PXDN: variants seen among roughly 807,000 people sequenced by gnomAD.
PXDN encodes peroxidasin homolog.
A neutral mutation model predicts 140.3 loss-of-function variants in PXDN; 77 were observed. The observed-to-expected ratio is 0.55, with a 90% confidence interval of 0.46 to 0.66. The LOEUF (loss-of-function observed/expected upper bound fraction) is 0.66. Among genes scored for constraint, PXDN ranks in the 30% least tolerant of loss-of-function variants. PXDN has a pLI of 0.00. For missense variants in PXDN, 1,838 were observed against 2,039.5 expected, an observed-to-expected ratio of 0.90 and a Z score of 1.90; for synonymous variants, 911 against 857.4, an observed-to-expected ratio of 1.06 and a Z score of -1.09.
chr2:1,698,503 A>G (rs1168511099), intron 1 of PXDN, among the ~76,000 whole-genome samples: 1 of 152,164 alleles, frequency 6.6e-6, no homozygotes, highest in Non-Finnish European at 1.5e-5. Flanking sequence ...GGGAGGAGAG[A>G]ATGAGATCCA....
Position 1,648,767 on chromosome 2 carries a change from G to A in PXDN, c.3013C>T (p.Leu1005=), listed in dbSNP as rs1322676319. The A allele has an allele frequency of 6.2e-7, 1 of 1,604,060 alleles. No individual in the cohort carries two copies. Among genetic ancestry groups the A allele is most frequent in the Non-Finnish European group, 8.5e-7 (1 of 1,175,994 alleles). The part of the protein sequence containing the change: ...HNRIATELLK[L]NPHWDGDTIY... Reference sequence around the variant, plus strand: ...GTGTCGCCGTCCCAGTGCGGGTTCAGCTTGAGCAGCTCCGTGGCAATGCGG... The same window carrying A: ...GTGTCGCCGTCCCAGTGCGGGTTCAACTTGAGCAGCTCCGTGGCAATGCGG... Residue 1005 remains leucine (L), a synonymous_variant, in exon 17 of 23, where the codon CTG becomes TTG. Coordinates refer to ENST00000252804, the MANE Select transcript of PXDN (RefSeq NM_012293.3). This position sits in a 1 kb window ranked among gnomAD's most constrained non-coding sequence, Gnocchi z 8.9.
At chr2:1,655,588 C>A (rs2125416372) in intron 14 of PXDN, among the ~76,000 whole-genome samples, 1 of 151,802 alleles carries the variant, frequency 6.6e-6, no homozygotes, top group South Asian at 2.1e-4. Context: ...GAAACCTGTC[C>A]CCTCCTGACA....
chr2:1,736,464 T>C (rs1207758102), intron 1 of PXDN, among the ~76,000 whole-genome samples: 1 of 152,130 alleles, frequency 6.6e-6, no homozygotes, highest in Non-Finnish European at 1.5e-5. Context: ...TAGATTAAGT[T>C]TGTAGTCTTA....
Position 1,653,362 on chromosome 2 carries a change from A to T in PXDN, c.2104+266T>A. ...AACCCACCCTGGCCAGGATGGCATA[A>T]CCCACTCAGGGCAGGTGGACCTGCT... On this transcript the variant is annotated intron_variant, in intron 16 of 22. Coordinates refer to ENST00000252804, the MANE Select transcript of PXDN (RefSeq NM_012293.3). The T allele has an allele frequency of 6.2e-6, 3 of 483,778 alleles. No homozygotes were observed. The Admixed American group carries it at 8.7e-5, about 14-fold the overall frequency. 30.0% of individuals were successfully genotyped at this position (483,778 alleles called of 1,614,324 possible). A position where few individuals can be genotyped will look rare whatever the true frequency, so the allele number is the denominator to read the frequency against.
At chr2:1,735,012 C>T (rs930538390) in intron 1 of PXDN, among the ~76,000 whole-genome samples, 2 of 152,202 alleles carry the variant, frequency 1.3e-5, no homozygotes, top group African/African-American at 4.8e-5. Context: ...AGCATCTTCA[C>T]CAGGAGTAGA....
At chr2:1,710,603 A>ACTC (rs150825248) in intron 1 of PXDN, among the ~76,000 whole-genome samples, 5,474 of 86,132 alleles carry the variant, frequency 0.064, 578 homozygotes, top group African/African-American at 0.23. Context: ...ACCAGCACCC[A>ACTC]CTCTCCACCA....
At chr2:1,723,575 C>CGGAT (rs1405665875) in intron 1 of PXDN, among the ~76,000 whole-genome samples, 1 of 151,288 alleles carries the variant, frequency 6.6e-6, no homozygotes, top group Non-Finnish European at 1.5e-5. Context: ...GACTAATGAA[C>CGGAT]GGATGGATGG....
intron 9 of PXDN, among the ~76,000 whole-genome samples, chr2:1,668,118 A>C (rs1683489353): frequency 6.6e-6 from 1 of 152,236 alleles, no homozygotes; most frequent in Non-Finnish European, 1.5e-5. Flanking sequence ...AGACAATAGA[A>C]CAGAACAGAG....
chr2:1,657,975 T>C (rs769693977), intron 14 of PXDN, among the ~76,000 whole-genome samples: 1 of 137,134 alleles, frequency 7.3e-6, no homozygotes, highest in African/African-American at 2.7e-5. Flanking sequence ...CCCCTCACTG[T>C]GATTTCCTTT....
chr2:1,736,162 T>C (rs1685421308), intron 1 of PXDN, among the ~76,000 whole-genome samples: 1 of 152,204 alleles, frequency 6.6e-6, no homozygotes, highest in South Asian at 2.1e-4. Context: ...GCTGGTTTGC[T>C]CTTCTTCCCA....
At position 1,684,238 on chromosome 2, in the gene PXDN, T is replaced by G. The variant is rs768154842; in HGVS notation, c.417-87A>C. The G allele has an allele frequency of 4.9e-4, 527 of 1,068,988 alleles. 1 individual carries two copies. The highest frequency in any genetic ancestry group is 6.9e-4 in the Non-Finnish European group (497 of 718,194). The allele number at this position is 1,068,988 out of a possible 1,614,324, so 66.2% of individuals were successfully genotyped here. ...TGCCCAAATTTTTTTCCTAGTCATT[T>G]CAAATTCAGATATCAATAGATAGCT... On this transcript the variant is annotated intron_variant, in intron 4 of 22. Transcript: ENST00000252804.
At chr2:1,679,077 T>C (rs539034418) in intron 7 of PXDN, among the ~76,000 whole-genome samples, 54 of 145,554 alleles carry the variant, frequency 3.7e-4, no homozygotes, top group African/African-American at 1.3e-3. Flanking sequence ...AACAGCCGTG[T>C]ATGTGCATGC....
rs184912972 is a variant in PXDN, at chr2:1,662,881, G to A, written c.1568-697C>T. 7.2e-5 allele frequency among the ~76,000 whole-genome samples: 11 copies of A among 152,274 alleles called. No individual in the cohort carries two copies. The East Asian group carries it at 7.7e-4, about 11-fold the overall frequency. On this transcript the variant is annotated intron_variant, in intron 12 of 22. Transcript: ENST00000252804. ...AAATCCAGCCCTATCCTCCCCGCAC[G>A]ACATCTCTGCCCCACTCCCCATGGT...
chr2:1,703,568 G>A (rs1426574077), intron 1 of PXDN, among the ~76,000 whole-genome samples: 6 of 35,988 alleles, frequency 1.7e-4, no homozygotes, highest in Admixed American at 7.7e-4. Context: ...GGTGAAGGTG[G>A]GGGACAACTC....
chr2:1,742,688 C>G (rs116440711), intron 1 of PXDN, among the ~76,000 whole-genome samples: 4,708 of 152,270 alleles, frequency 0.031, 201 homozygotes, highest in South Asian at 0.17. Flanking sequence ...GAAACCTCAC[C>G]CGGCTCCATT....
rs193100181 is a variant in PXDN, at chr2:1,685,416, C to T, written c.417-1265G>A. ...CAGAATCCCTGGAGCCTCGTCTCTG[C>T]CAGGCAGTGTGCTGACAGGGCGCCT... On this transcript the variant is annotated intron_variant, in intron 4 of 22. Coordinates refer to ENST00000252804, the MANE Select transcript of PXDN (RefSeq NM_012293.3). This position sits in a 1 kb window ranked among gnomAD's most constrained non-coding sequence, Gnocchi z 5.1. 1.0e-3 allele frequency among the ~76,000 whole-genome samples: 158 copies of T among 152,322 alleles called. 1 individual carries two copies. Among genetic ancestry groups the T allele is most frequent in the Non-Finnish European group, 1.9e-4 (13 of 68,032 alleles).
At chr2:1,668,551 C>A (rs1443967794) in intron 9 of PXDN, among the ~76,000 whole-genome samples, 2 of 149,068 alleles carry the variant, frequency 1.3e-5, no homozygotes. Flanking sequence ...GCAATCTCTC[C>A]ATCTGACAAA....
chr2:1,688,139 G>A (rs1042222630), intron 3 of PXDN, among the ~76,000 whole-genome samples: 1 of 152,146 alleles, frequency 6.6e-6, no homozygotes, highest in Non-Finnish European at 1.5e-5. Context: ...AAGACCGAAT[G>A]CACCTTGAAT....
intron 1 of PXDN, among the ~76,000 whole-genome samples, chr2:1,706,342 G>T (rs1165002661): frequency 2.6e-5 from 4 of 152,180 alleles, no homozygotes; most frequent in African/African-American, 9.7e-5. Flanking sequence ...AGTAACAACT[G>T]TTTAAGTCAC....
Sources: allele counts gnomAD v4.1 joint callset (sites outside exome capture counted in the v4.1 genomes callset), GRCh38; gene constraint gnomAD v4.1.1; non-coding constraint Gnocchi (gnomAD v3.1); transcripts MANE v1.5; gene names NCBI Gene and HGNC (gene_info 2026-07-23, HGNC 2026-07-21).